The following OXNAD1 variants were observed in gnomAD, a reference collection of about 807,000 sequenced individuals.
The protein encoded by OXNAD1 is oxidoreductase NAD binding domain containing 1, also known as oxidoreductase NAD-binding domain-containing protein 1.
OXNAD1 carries 34 observed loss-of-function variants against 32.9 expected under a neutral mutation model. The ratio of observed to expected loss-of-function variants is 1.03; its 90% confidence interval spans 0.79 to 1.38. The LOEUF (loss-of-function observed/expected upper bound fraction) is 1.38. Among genes scored for constraint, OXNAD1 ranks in the 40% most tolerant of loss-of-function variants. The pLI, the probability that OXNAD1 is intolerant of heterozygous loss-of-function variation, is 0.00. For synonymous variants in OXNAD1, 134 were observed against 135.2 expected (o/e 0.99, Z 0.06); for missense variants, 407 against 379.4 (o/e 1.07, Z -0.60).
At position 16,334,350 on chromosome 3, in the gene OXNAD1, T is replaced by C. The variant is rs2070647193; in HGVS notation, c.*31-2762T>C. 6.6e-6 allele frequency among the ~76,000 whole-genome samples: 1 copy of C among 152,196 alleles called. No homozygotes were observed. The highest frequency in any genetic ancestry group is 1.5e-5 in the Non-Finnish European group (1 of 68,028). On this transcript the variant is annotated intron_variant, in intron 9 of 9. Transcript: ENST00000435829. This position sits in a 1 kb window ranked among gnomAD's most constrained non-coding sequence, Gnocchi z 4.3. ...GATTCAACCCTCCTGGAGAACAGTT[T>C]GACAGTATCTTTCAAAATTACAAAC...
Position 16,269,235 on chromosome 3 carries a change from C to G in OXNAD1, c.-49C>G. On this transcript the variant is annotated 5_prime_UTR_variant, in exon 2 of 9. Transcript: ENST00000285083. Reference sequence around the variant, plus strand: ...CCAAAATATTCTGTCAATCAGCTGACCATATACTTAATGACTCCTAAAATC... The same window carrying G: ...CCAAAATATTCTGTCAATCAGCTGAGCATATACTTAATGACTCCTAAAATC... 1.3e-6 allele frequency: 2 copies of G among 1,535,334 alleles called. No homozygotes were observed. The highest frequency in any genetic ancestry group is 1.7e-6 in the Non-Finnish European group (2 of 1,146,720).
rs184279203 is a variant in OXNAD1 at position 16,314,107 on chromosome 3, C to T, written c.*30+10515C>T. ...GATCACAGTGGGTTTGCAGGACTCCCCTGCAAACCCACTGTGACAGCTGCA... is the reference window on the plus strand; with the variant it reads ...GATCACAGTGGGTTTGCAGGACTCCTCTGCAAACCCACTGTGACAGCTGCA... On this transcript the variant is annotated intron_variant, in intron 9 of 9. Coordinates refer to the OXNAD1 transcript ENST00000435829. The surrounding 1 kb of genome is among the most constrained non-coding windows in gnomAD (Gnocchi z 4.4). 1.9e-3 allele frequency among the ~76,000 whole-genome samples: 286 copies of T among 152,000 alleles called. No individual in the cohort carries two copies. Among genetic ancestry groups the T allele is most frequent in the Non-Finnish European group, 3.2e-3 (218 of 67,966 alleles).
At chr3:16,269,554 T>C (rs1016105410) in intron 2 of OXNAD1, among the ~76,000 whole-genome samples, 1 of 152,246 alleles carries the variant, frequency 6.6e-6, no homozygotes, top group Non-Finnish European at 1.5e-5. Context: ...ATATGACTTA[T>C]ATCACCATCA....
rs551153302 is a variant in OXNAD1 at position 16,334,261 on chromosome 3, C to T, written c.*31-2851C>T. ...GTAAAAACCCAAAAGTTAGGCAGCC[C>T]GCTTTGTTGCCAAGGCCGTGGGGAA... On this transcript the variant is annotated intron_variant, in intron 9 of 9. Transcript: ENST00000435829. The surrounding 1 kb of genome is among the most constrained non-coding windows in gnomAD (Gnocchi z 4.3). 1.2e-4 allele frequency among the ~76,000 whole-genome samples: 18 copies of T among 152,248 alleles called. No homozygotes were observed. Among genetic ancestry groups the T allele is most frequent in the African/African-American group, 3.9e-4 (16 of 41,542 alleles).
downstream of OXNAD1, among the ~76,000 whole-genome samples, chr3:16,351,774 C>G (rs2072120874): frequency 6.6e-6 from 1 of 152,108 alleles, no homozygotes. The surrounding 1 kb of genome is among the most constrained non-coding windows in gnomAD (Gnocchi z 5.4). Context: ...AGTTGTTTCT[C>G]AAAAAACTAA....
At chr3:16,311,357 A>C (rs768629715) in intron 9 of OXNAD1, among the ~76,000 whole-genome samples, 1 of 151,904 alleles carries the variant, frequency 6.6e-6, no homozygotes, top group South Asian at 2.1e-4. Flanking sequence ...CACCACGCCT[A>C]ATTTTTGTAT....
intron 4 of OXNAD1, among the ~76,000 whole-genome samples, chr3:16,275,437 G>A (rs566761080): frequency 2.6e-5 from 4 of 152,180 alleles, no homozygotes; most frequent in Non-Finnish European, 5.9e-5. Context: ...ACATGGCGGT[G>A]TGCTTGTAGT....
chr3:16,319,095 C>T (rs532397306), intron 9 of OXNAD1, among the ~76,000 whole-genome samples: 2 of 152,280 alleles, frequency 1.3e-5, no homozygotes, highest in East Asian at 1.9e-4. Context: ...AGGCAGCTGC[C>T]GTTGCATTTT....
At chr3:16,307,777 CAA>C (rs2067666970), downstream of OXNAD1, among the ~76,000 whole-genome samples, 1 of 79,310 alleles carries the variant, frequency 1.3e-5, no homozygotes, top group African/African-American at 8.2e-5. Flanking sequence ...AGAAGAGTTG[CAA>C]AGACAAGACA....
chr3:16,340,991 G>A (rs553147134), downstream of OXNAD1, among the ~76,000 whole-genome samples: 41 of 152,248 alleles, frequency 2.7e-4, 2 homozygotes, highest in South Asian at 5.2e-3. Flanking sequence ...TTAAAAATGG[G>A]CAAAAGTTCT....
In OXNAD1 at chr3:16,317,544, A is replaced by G. The variant is rs921597268; in HGVS notation, c.*30+13952A>G. Among the ~76,000 whole-genome samples, 2 of 152,196 alleles carry G rather than the reference A, an allele frequency of 1.3e-5. No homozygotes were observed. Among genetic ancestry groups the G allele is most frequent in the Admixed American group, 1.3e-4 (2 of 15,282 alleles). On this transcript the variant is annotated intron_variant, in intron 9 of 9. Transcript: ENST00000435829. This position sits in a 1 kb window ranked among gnomAD's most constrained non-coding sequence, Gnocchi z 4.3. Reference sequence around the variant, plus strand: ...CATAGGAAAGGGCTCCTAAAGTCCTATCATTTGGAGGGCCAGGATGGAGAG... The same window carrying G: ...CATAGGAAAGGGCTCCTAAAGTCCTGTCATTTGGAGGGCCAGGATGGAGAG...
rs529085836 is a variant in OXNAD1 at position 16,301,166 on chromosome 3, C to G, written c.433-460C>G. 6.6e-6 allele frequency among the ~76,000 whole-genome samples: 1 copy of G among 152,262 alleles called. No individual in the cohort carries two copies. The highest frequency in any genetic ancestry group is 2.1e-4 in the South Asian group (1 of 4,822). On this transcript the variant is annotated intron_variant, in intron 6 of 8. Coordinates refer to ENST00000285083, the MANE Select transcript of OXNAD1 (RefSeq NM_138381.5). This position sits in a 1 kb window ranked among gnomAD's most constrained non-coding sequence, Gnocchi z 4.1. ...CCTTACTGAGGATCAAGAAGGAGCA[C>G]CAGTACTTACACTTTTCAGCCTTGA...
chr3:16,342,224 A>G (rs2071364432), downstream of OXNAD1, among the ~76,000 whole-genome samples: 1 of 151,922 alleles, frequency 6.6e-6, no homozygotes, highest in Non-Finnish European at 1.5e-5. The surrounding 1 kb of genome is among the most constrained non-coding windows in gnomAD (Gnocchi z 4.0). Flanking sequence ...CCCCGAGGCA[A>G]CCACGAGTCC....
At chr3:16,276,636 G>A (rs2125003472) in intron 4 of OXNAD1, 1 of 159,534 alleles carries the variant, frequency 6.3e-6, no homozygotes, top group East Asian at 1.8e-4. Flanking sequence ...GTAAATCGCT[G>A]TCCTGTATAG....
intron 4 of OXNAD1, among the ~76,000 whole-genome samples, chr3:16,285,885 A>G (rs1402710799): frequency 6.6e-6 from 1 of 152,232 alleles, no homozygotes; most frequent in African/African-American, 2.4e-5. Flanking sequence ...GATTTCTGAA[A>G]TTAGCTCTTT....
Position 16,265,960 on chromosome 3 carries a change from A to G in OXNAD1, c.-159+455A>G. On this transcript the variant is annotated intron_variant, in intron 1 of 8. Coordinates refer to ENST00000285083, the MANE Select transcript of OXNAD1 (RefSeq NM_138381.5). This position sits in a 1 kb window ranked among gnomAD's most constrained non-coding sequence, Gnocchi z 4.8. ...TTGAAGCGAAATGCAGATAAAAGGC[A>G]TTTTTGTCTTGAAAGCAGTGCTAGT... The G allele has an allele frequency of 2.1e-6, 2 of 945,284 alleles. No individual in the cohort carries two copies. Among genetic ancestry groups the G allele is most frequent in the Non-Finnish European group, 2.5e-6 (2 of 793,378 alleles). 58.6% of individuals were successfully genotyped at this position (945,284 alleles called of 1,614,324 possible).
intron 9 of OXNAD1, among the ~76,000 whole-genome samples, chr3:16,325,993 G>A (rs2069650371): frequency 6.6e-6 from 1 of 152,214 alleles, no homozygotes; most frequent in East Asian, 1.9e-4. Context: ...TGAGGTTCTA[G>A]GCCCAGTTTC....
chr3:16,323,786 C>G (rs2069358672), intron 9 of OXNAD1, among the ~76,000 whole-genome samples: 2 of 152,214 alleles, frequency 1.3e-5, no homozygotes, highest in African/African-American at 4.8e-5. Flanking sequence ...GGGCAGGGGC[C>G]TTTTCCAAAT....
In OXNAD1 at chr3:16,322,713, C is replaced by T. The variant is rs1389735369; in HGVS notation, c.*31-14399C>T. Among the ~76,000 whole-genome samples the T allele has an allele frequency of 1.3e-5, 2 of 152,170 alleles. No individual in the cohort carries two copies. The highest frequency in any genetic ancestry group is 2.9e-5 in the Non-Finnish European group (2 of 68,034). On this transcript the variant is annotated intron_variant, in intron 9 of 9. Transcript: ENST00000435829. This position sits in a 1 kb window ranked among gnomAD's most constrained non-coding sequence, Gnocchi z 6.2. ...ACCTCGTACAGCCCTTGTGCTCAAC[C>T]TTCAGGAATCACAGAGAAGACTCTC...
Sources: gnomAD v4.1 joint callset for allele counts (sites outside exome capture counted in the v4.1 genomes callset) on GRCh38, gnomAD v4.1.1 for gene constraint, Gnocchi (gnomAD v3.1) non-coding constraint, MANE v1.5 for transcripts, NCBI Gene and HGNC (gene_info 2026-07-23, HGNC 2026-07-21) for gene names.